The following AKT3 variants were observed in gnomAD, a reference collection of about 807,000 sequenced individuals.
AKT3 encodes the protein RAC-gamma serine/threonine-protein kinase.
In AKT3, 15 loss-of-function variants were observed where a neutral mutation model predicts 65.3. The observed-to-expected ratio is 0.23, with a 90% CI of 0.15 to 0.35. AKT3 has a LOEUF of 0.35. AKT3 is among the 10% of genes least tolerant of loss of function. AKT3 has a pLI of 1.00. For synonymous variants in AKT3, 206 were observed against 183.8 expected (o/e 1.12, Z -0.98); for missense variants, 243 against 576.5 (o/e 0.42, Z 5.92).
In AKT3 at chr1:243,615,178, G is replaced by C. The variant is rs1678200685; in HGVS notation, c.562-17C>G. ...CACTTCATCCTACAAAAGAAAAAAA[G>C]CAAACCTTCAATATATGTTTTGAGC... On this transcript the variant is annotated splice_polypyrimidine_tract_variant and intron_variant, in intron 6 of 13. Transcript: ENST00000673466. 1.9e-6 allele frequency: 3 copies of C among 1,590,678 alleles called. No individual in the cohort carries two copies. Among genetic ancestry groups the C allele is most frequent in the African/African-American group, 2.7e-5 (2 of 74,472 alleles).
chr1:243,660,528 T>C (rs1682224160), intron 4 of AKT3, among the ~76,000 whole-genome samples: 1 of 152,168 alleles, frequency 6.6e-6, no homozygotes, highest in Non-Finnish European at 1.5e-5. Flanking sequence ...TGCTAACAAC[T>C]CTCAATAAAT....
At chr1:243,831,770 G>A (rs1280047160) in intron 2 of AKT3, among the ~76,000 whole-genome samples, 2 of 151,894 alleles carry the variant, frequency 1.3e-5, no homozygotes, top group Non-Finnish European at 1.5e-5. Flanking sequence ...CATACTCAGA[G>A]GATTTTAAAT....
intron 2 of AKT3, among the ~76,000 whole-genome samples, chr1:243,699,822 A>C (rs1685332248): frequency 1.3e-5 from 2 of 152,048 alleles, no homozygotes; most frequent in South Asian, 4.1e-4. Context: ...TAAGCCCTAA[A>C]TCCAATTACA....
At chr1:243,793,431 C>CTCTA (rs1352436878) in intron 2 of AKT3, 2 of 151,984 alleles carry the variant, frequency 1.3e-5, no homozygotes, top group African/African-American at 4.8e-5. Context: ...ATGCTGCAGG[C>CTCTA]TCTAGAAAAC....
At chr1:243,714,747 C>G (rs1171587525) in intron 2 of AKT3, among the ~76,000 whole-genome samples, 1 of 152,022 alleles carries the variant, frequency 6.6e-6, no homozygotes, top group Non-Finnish European at 1.5e-5. Context: ...CTTATTTTGT[C>G]TACTTCAAAA....
intron 13 of AKT3, among the ~76,000 whole-genome samples, chr1:243,509,241 G>A (rs1456953266): frequency 6.6e-6 from 1 of 152,146 alleles, no homozygotes; most frequent in African/African-American, 2.4e-5. Flanking sequence ...GATTAATGAA[G>A]CCAAGGAACT....
chr1:243,508,628 C>T (rs920855300), intron 13 of AKT3, among the ~76,000 whole-genome samples: 2 of 151,184 alleles, frequency 1.3e-5, no homozygotes, highest in African/African-American at 4.9e-5. Context: ...GGACCACACC[C>T]CATTTCTGAC....
chr1:243,594,679 C>T (rs2148559429), intron 8 of AKT3, among the ~76,000 whole-genome samples: 1 of 152,212 alleles, frequency 6.6e-6, no homozygotes, highest in South Asian at 2.1e-4. Flanking sequence ...ATCACTGCAG[C>T]ATCAACCTCT....
chr1:243,674,345 A>C (rs544596087), intron 3 of AKT3, among the ~76,000 whole-genome samples: 1 of 152,078 alleles, frequency 6.6e-6, no homozygotes, highest in South Asian at 2.1e-4. Flanking sequence ...ACCGTAACCC[A>C]GTGAACAATG....
At chr1:243,624,046 G>A (rs935690438) in intron 6 of AKT3, among the ~76,000 whole-genome samples, 3 of 152,144 alleles carry the variant, frequency 2.0e-5, no homozygotes, top group Admixed American at 6.5e-5. Context: ...AGTCTTGTGA[G>A]TCATGACTCA....
chr1:243,756,055 C>T (rs1249142953), intron 2 of AKT3, among the ~76,000 whole-genome samples: 1 of 152,102 alleles, frequency 6.6e-6, no homozygotes, highest in Non-Finnish European at 1.5e-5. Context: ...TAACTGAACC[C>T]CTGTTTCTCA....
chr1:243,653,983 A>G (rs1365864926), intron 4 of AKT3, among the ~76,000 whole-genome samples: 1 of 151,634 alleles, frequency 6.6e-6, no homozygotes, highest in Admixed American at 6.6e-5. Flanking sequence ...TCAGAATTCC[A>G]TTTTAATTTT....
rs1346130120 is a variant in AKT3 at position 243,825,962 on chromosome 1, T to C, written c.46+17163A>G. ...GCCTAGCCAACATGGCGAAACCCCA[T>C]CTCTACTAAAAATACAAAAATTAGC... is the stretch of plus-strand genomic sequence containing the variant. On this transcript the variant is annotated intron_variant, in intron 2 of 13. Transcript: ENST00000673466. Among the ~76,000 whole-genome samples, 4 of 152,092 alleles carry C rather than the reference T, an allele frequency of 2.6e-5. 1 individual carries two copies. The highest frequency in any genetic ancestry group is 1.9e-4 in the East Asian group (1 of 5,172).
chr1:243,715,112 G>C (rs1175056451), intron 2 of AKT3, among the ~76,000 whole-genome samples: 1 of 152,030 alleles, frequency 6.6e-6, no homozygotes, highest in African/African-American at 2.4e-5. Context: ...GTTAGTTCAA[G>C]ACAGAACTAA....
At chr1:243,571,094 CGGTCACG>C (rs1407836766) in intron 9 of AKT3, among the ~76,000 whole-genome samples, 1 of 151,982 alleles carries the variant, frequency 6.6e-6, no homozygotes, top group African/African-American at 2.4e-5. Context: ...TCGAGGCAGG[CGGTCACG>C]AGGTCAGGAG....
At chr1:243,692,111 A>G (rs558487194) in intron 3 of AKT3, among the ~76,000 whole-genome samples, 2 of 152,194 alleles carry the variant, frequency 1.3e-5, no homozygotes, top group Non-Finnish European at 2.9e-5. Flanking sequence ...GGTTCATGAC[A>G]TGATCTCCCA....
chr1:243,699,920 A>C (rs963483884), intron 2 of AKT3, among the ~76,000 whole-genome samples: 1 of 152,098 alleles, frequency 6.6e-6, no homozygotes, highest in African/African-American at 2.4e-5. Flanking sequence ...ATGGGCCAAA[A>C]GCCAAGGAGC....
At chr1:243,579,121 G>A (rs541663173) in intron 8 of AKT3, among the ~76,000 whole-genome samples, 1 of 152,168 alleles carries the variant, frequency 6.6e-6, no homozygotes, top group Admixed American at 6.5e-5. Flanking sequence ...ACGATGTTGA[G>A]GTTTCTCTAT....
At chr1:243,686,911 C>T (rs1684367161) in intron 3 of AKT3, among the ~76,000 whole-genome samples, 1 of 151,336 alleles carries the variant, frequency 6.6e-6, no homozygotes, top group African/African-American at 2.4e-5. Flanking sequence ...GTGATCCACC[C>T]ACCTCAGCCT....
Sources: gnomAD v4.1 joint callset for allele counts (sites outside exome capture counted in the v4.1 genomes callset) on GRCh38, gnomAD v4.1.1 for gene constraint, MANE v1.5 for transcripts, NCBI Gene and HGNC (gene_info 2026-07-23, HGNC 2026-07-21) for gene names.